The following FSTL5 variants were observed in gnomAD, a reference collection of about 807,000 sequenced individuals.
FSTL5 encodes follistatin like 5.
A neutral mutation model predicts 89.1 loss-of-function variants in FSTL5; 62 were observed. The observed-to-expected ratio is 0.70, with a 90% CI of 0.57 to 0.86. FSTL5 has a LOEUF of 0.86. Among genes scored for constraint, FSTL5 ranks in the 40% least tolerant of loss-of-function variants. The probability of loss-of-function intolerance (pLI) is 0.00; values close to 1 mark genes in which losing one functional copy is unlikely to be tolerated. For synonymous variants in FSTL5, 383 were observed against 346.2 expected (o/e 1.11, Z -1.18); for missense variants, 1,057 against 1,001.6 (o/e 1.06, Z -0.75).
At chr4:161,805,650 G>A (rs1430320106) in intron 4 of FSTL5, among the ~76,000 whole-genome samples, 1 of 152,068 alleles carries the variant, frequency 6.6e-6, no homozygotes, top group Non-Finnish European at 1.5e-5. Flanking sequence ...ATCAGGACAA[G>A]TATTTTCACA....
chr4:162,091,135 C>T (rs9991417), intron 2 of FSTL5, among the ~76,000 whole-genome samples: 33,646 of 151,998 alleles, frequency 0.22, 4,105 homozygotes, highest in African/African-American at 0.33. Flanking sequence ...ACTCCAAAAT[C>T]ATTTCTTTCA....
intron 4 of FSTL5, among the ~76,000 whole-genome samples, chr4:161,819,727 T>G (rs976480997): frequency 5.3e-5 from 8 of 152,096 alleles, no homozygotes; most frequent in African/African-American, 1.9e-4. Flanking sequence ...AAAAATAATC[T>G]CCTTTGCAAG....
chr4:162,062,357 C>T (rs1738749299), intron 2 of FSTL5, among the ~76,000 whole-genome samples: 1 of 151,844 alleles, frequency 6.6e-6, no homozygotes. Context: ...ACATTGTGTA[C>T]TTGTTGAGAG....
intron 8 of FSTL5, among the ~76,000 whole-genome samples, chr4:161,577,490 A>AG (rs1429804248): frequency 2.6e-5 from 4 of 150,952 alleles, no homozygotes; most frequent in Non-Finnish European, 5.9e-5. Context: ...AAAAAAAAAA[A>AG]AGGAAACAAG....
At chr4:161,658,662 G>A (rs571693813) in intron 6 of FSTL5, among the ~76,000 whole-genome samples, 8 of 151,900 alleles carry the variant, frequency 5.3e-5, no homozygotes, top group Non-Finnish European at 8.8e-5. Flanking sequence ...CAATTAATTC[G>A]AAACACTAAA....
At chr4:162,093,581 A>T (rs2111363962) in intron 2 of FSTL5, among the ~76,000 whole-genome samples, 1 of 152,310 alleles carries the variant, frequency 6.6e-6, no homozygotes, top group South Asian at 2.1e-4. Context: ...GAAATGCCAT[A>T]CCCAAGAGAC....
intron 10 of FSTL5, among the ~76,000 whole-genome samples, chr4:161,521,848 C>CAA (rs11405532): frequency 0.04 from 2,320 of 57,604 alleles, 394 homozygotes; most frequent in African/African-American, 0.19. Context: ...GACTCCACCT[C>CAA]AAAAAAAAAA....
intron 4 of FSTL5, among the ~76,000 whole-genome samples, chr4:161,860,270 A>G (rs904874690): frequency 5.6e-4 from 83 of 148,746 alleles, no homozygotes; most frequent in African/African-American, 2.0e-3. Context: ...CCTAGGCGAC[A>G]GAGCGAGACT....
Position 161,852,183 on chromosome 4 carries a change from ATAT to A in FSTL5, c.409+68218_409+68220del, listed in dbSNP as rs1731576098. 6.8e-4 allele frequency among the ~76,000 whole-genome samples: 3 copies of A among 4,432 alleles called. No individual in the cohort carries two copies. In the East Asian group the frequency reaches 0.016, roughly 24 times the overall value. 2.9% of individuals were successfully genotyped at this position (4,432 alleles called of 152,430 possible). A position where few individuals can be genotyped will look rare whatever the true frequency, so the allele number is the denominator to read the frequency against. ...CTTTCAACATAGGTAGATATAAAAT[ATAT>A]ATATATATATTTATTTGAAATCATA... is the stretch of plus-strand genomic sequence containing the variant. On this transcript the variant is annotated intron_variant, in intron 4 of 15. Coordinates refer to ENST00000306100, the MANE Select transcript of FSTL5 (RefSeq NM_020116.5).
intron 1 of FSTL5, among the ~76,000 whole-genome samples, chr4:162,123,467 T>A (rs1010302462): frequency 6.6e-6 from 1 of 152,158 alleles, no homozygotes; most frequent in African/African-American, 2.4e-5. Context: ...GGTTAATGCT[T>A]AGTTGCACTA....
At chr4:161,678,692 G>C (rs1320737968) in intron 6 of FSTL5, among the ~76,000 whole-genome samples, 1 of 151,720 alleles carries the variant, frequency 6.6e-6, no homozygotes. Flanking sequence ...CAGCAATACA[G>C]GATGAGATTT....
chr4:161,609,771 T>C lies in FSTL5; in HGVS notation c.895-22196A>G, dbSNP rs906327254. On this transcript the variant is annotated intron_variant, in intron 7 of 15. Coordinates refer to ENST00000306100, the MANE Select transcript of FSTL5 (RefSeq NM_020116.5). ...ATTCTTTTTGTCCCAAAAGTCCCTT[T>C]AGGGCAGTGCAAAGCAGCTCAGGTG... Among the ~76,000 whole-genome samples, 15 of 152,116 alleles carry C rather than the reference T, an allele frequency of 9.9e-5. No homozygotes were observed. The East Asian group carries it at 1.2e-3, about 12-fold the overall frequency.
intron 7 of FSTL5, among the ~76,000 whole-genome samples, chr4:161,602,228 T>A (rs181788026): frequency 0.061 from 3,169 of 51,814 alleles, no homozygotes; most frequent in Middle Eastern, 0.087. Flanking sequence ...AGAGAGAGAG[T>A]GAGAGAGTGA....
chr4:161,738,415 G>A (rs1308694615), intron 6 of FSTL5, among the ~76,000 whole-genome samples: 3 of 152,016 alleles, frequency 2.0e-5, no homozygotes, highest in Non-Finnish European at 4.4e-5. Context: ...TTTCCTCAAT[G>A]ACAAAATAAG....
At position 161,695,809 on chromosome 4, in the gene FSTL5, AT is replaced by A. The variant is rs546230882; in HGVS notation, c.728-39316del. On this transcript the variant is annotated intron_variant, in intron 6 of 15. Transcript: ENST00000306100. ...CGTTCTTAGCCCACTTTTCGATGGGATTTTTTTTCTTGTCGATTTGTTTGAG... is the reference window on the plus strand; with the variant it reads ...CGTTCTTAGCCCACTTTTCGATGGGATTTTTTTCTTGTCGATTTGTTTGAG... Among the ~76,000 whole-genome samples, 31 of 151,032 alleles carry A rather than the reference AT, an allele frequency of 2.1e-4. No homozygotes were observed. In the South Asian group the frequency reaches 5.4e-3, roughly 27 times the overall value.
intron 4 of FSTL5, among the ~76,000 whole-genome samples, chr4:161,879,424 C>G (rs563213832): frequency 6.6e-6 from 1 of 152,218 alleles, no homozygotes; most frequent in Admixed American, 6.5e-5. Context: ...CGATGCTTTC[C>G]CAGGCAAAGC....
chr4:161,671,661 T>C (rs1288055683), intron 6 of FSTL5, among the ~76,000 whole-genome samples: 3 of 151,854 alleles, frequency 2.0e-5, no homozygotes, highest in Non-Finnish European at 4.4e-5. Context: ...TAGATATGAG[T>C]GAGTTCATAA....
intron 7 of FSTL5, among the ~76,000 whole-genome samples, chr4:161,603,569 T>C (rs889140214): frequency 5.9e-5 from 9 of 151,974 alleles, no homozygotes; most frequent in African/African-American, 1.9e-4. Flanking sequence ...TGAGAGAAAA[T>C]AAAGTTCTGT....
intron 6 of FSTL5, among the ~76,000 whole-genome samples, chr4:161,710,499 A>C (rs1436008907): frequency 6.6e-6 from 1 of 152,120 alleles, no homozygotes; most frequent in East Asian, 1.9e-4. Context: ...GTTTAATCTG[A>C]GTTCTTCCTT....
Sources: gnomAD v4.1 joint callset for allele counts (sites outside exome capture counted in the v4.1 genomes callset) on GRCh38, gnomAD v4.1.1 for gene constraint, MANE v1.5 for transcripts, NCBI Gene and HGNC (gene_info 2026-07-23, HGNC 2026-07-21) for gene names.